GLI1: variants seen among roughly 807,000 people sequenced by gnomAD.
GLI1 encodes GLI family zinc finger 1.
Under a neutral mutation model 87.8 loss-of-function variants are expected in GLI1, and 51 were observed. That is an observed-to-expected ratio of 0.58 (90% CI 0.46 to 0.73). The LOEUF is 0.73. Among genes scored for constraint, GLI1 ranks in the 30% least tolerant of loss-of-function variants. The pLI is 0.00. For missense variants in GLI1, 1,292 were observed against 1,437.2 expected, an observed-to-expected ratio of 0.90 and a Z score of 1.63; for synonymous variants, 528 against 558.2, an observed-to-expected ratio of 0.95 and a Z score of 0.76.
In GLI1 at chr12:57,465,831, G is replaced by A. The variant is rs760883025; in HGVS notation, c.668G>A (p.Arg223Lys). ...CTGGATGGGCGGGAGGACCTCGAGA[G>A]AGAGGAGAAGCGTGAGCCTGAATCT... ...GMLDGREDLE[R>K]EEKREPESVY... is the part of the protein sequence containing the mutation. Residue 223 changes from arginine (R) to lysine (K), a missense_variant, in exon 7 of 12, where the codon AGA (arginine) becomes AAA (lysine). Transcript: ENST00000228682. 1 of 1,614,222 alleles carries A rather than the reference G, an allele frequency of 6.2e-7. No homozygotes were observed. Among genetic ancestry groups the A allele is most frequent in the Non-Finnish European group, 8.5e-7 (1 of 1,180,008 alleles).
chr12:57,462,410 ACCGCGCCGGCCGGC>A (rs1236442611), intron 1 of GLI1, among the ~76,000 whole-genome samples: 1 of 147,986 alleles, frequency 6.8e-6, no homozygotes, highest in Admixed American at 6.7e-5. Flanking sequence ...GGGATCACCC[ACCGCGCCGGCCGGC>A]CCGGCCCGCT....
chr12:57,464,908 AC>A lies in GLI1; in HGVS notation c.389+43del, dbSNP rs779275030. ...GGGCCAAGAGGCCCCTAAAGCCCCT[AC>A]CCAAGTCCATTAAAAGTCTCAAGCC... On this transcript the variant is annotated intron_variant, in intron 4 of 11. Transcript: ENST00000228682. 36 of 1,483,246 alleles carry A rather than the reference AC, an allele frequency of 2.4e-5. No homozygotes were observed. In the African/African-American group the frequency reaches 5.0e-4, roughly 21 times the overall value. The allele number at this position is 1,483,246 out of a possible 1,614,324, so 91.9% of individuals were successfully genotyped here. A position where few individuals can be genotyped will look rare whatever the true frequency, so the allele number is the denominator to read the frequency against.
Position 57,471,307 on chromosome 12 carries a change from C to A in GLI1, c.2567C>A (p.Pro856His). Reference protein sequence around the residue: ...PLFSHYPQPSPPQYLQSGPYT... With the variant: ...PLFSHYPQPSHPQYLQSGPYT... ...TTTTCCCATTACCCCCAGCCCTCTC[C>A]TCCCCAATATCTCCAGTCAGGCCCC... is the stretch of plus-strand genomic sequence containing the variant. Residue 856 changes from proline (P) to histidine (H), a missense_variant, in exon 12 of 12, where the codon CCT becomes CAT. By Grantham distance (77) the Pro-to-His change is moderately conservative. This residue lies in a region of GLI1 where 897 missense variants were observed against 1,040.7 expected (regional missense o/e 0.86). Coordinates refer to ENST00000228682, the MANE Select transcript of GLI1 (RefSeq NM_005269.3). This position sits in a 1 kb window ranked among gnomAD's most constrained non-coding sequence, Gnocchi z 4.9. 1 of 1,576,362 alleles carries A rather than the reference C, an allele frequency of 6.3e-7. No individual in the cohort carries two copies. The highest frequency in any genetic ancestry group is 8.6e-7 in the Non-Finnish European group (1 of 1,162,760).
chr12:57,471,973 C>A lies in GLI1; in HGVS notation c.3233C>A (p.Ser1078Tyr). 6.3e-7 allele frequency: 1 copy of A among 1,594,492 alleles called. No homozygotes were observed. The highest frequency in any genetic ancestry group is 1.1e-5 in the South Asian group (1 of 88,534). The change falls in exon 12 of 12, where the codon TCT (serine) becomes TAT (tyrosine). Residue 1078 changes from serine (S) to tyrosine (Y), a missense_variant. By Grantham distance (144) the Ser-to-Tyr change is moderately radical. Coordinates refer to ENST00000228682, the MANE Select transcript of GLI1 (RefSeq NM_005269.3). This position sits in a 1 kb window ranked among gnomAD's most constrained non-coding sequence, Gnocchi z 4.9. ...RGSSGHTPPP[S>Y]GPPNMAVGNM... is the part of the protein sequence containing the mutation. The stretch of plus-strand genomic sequence containing the variant: ...AGCTCTGGACATACCCCACCTCCCT[C>A]TGGGCCCCCCAACATGGCTGTGGGC...
In GLI1 at chr12:57,470,373, A is replaced by T; in HGVS notation, c.1633A>T (p.Ser545Cys). ...PPVSLERRSS[S>C]SSSISSAYTV... ...AGTCTCTCTTGAACGCCGCAGCAGC[A>T]GCTCCAGCAGCATCAGCTCTGCCTA... Residue 545 changes from serine to cysteine, a missense_variant, in exon 12 of 12, where the codon AGC becomes TGC. Physicochemically the swap from Ser to Cys is moderately radical, Grantham distance 112. Around this residue, in one of 3 missense-constraint regions of GLI1, gnomAD observed 897 missense variants for 1,040.7 expected, o/e 0.86. Coordinates refer to ENST00000228682, the MANE Select transcript of GLI1 (RefSeq NM_005269.3). The T allele has an allele frequency of 6.2e-7, 1 of 1,610,924 alleles. No individual in the cohort carries two copies. Among genetic ancestry groups the T allele is most frequent in the African/African-American group, 1.3e-5 (1 of 74,990 alleles).
Position 57,471,320 on chromosome 12 carries a change from C to A in GLI1, c.2580C>A (p.Leu860=). ...CCCAGCCCTCTCCTCCCCAATATCT[C>A]CAGTCAGGCCCCTATACCCAGCCAC... ...HYPQPSPPQY[L]QSGPYTQPPP... The change falls in exon 12 of 12, where the codon CTC becomes CTA. Residue 860 remains leucine (L), a synonymous_variant. Coordinates refer to ENST00000228682, the MANE Select transcript of GLI1 (RefSeq NM_005269.3). This position sits in a 1 kb window ranked among gnomAD's most constrained non-coding sequence, Gnocchi z 4.9. 6.4e-7 allele frequency: 1 copy of A among 1,574,154 alleles called. No homozygotes were observed. Among genetic ancestry groups the A allele is most frequent in the Non-Finnish European group, 8.6e-7 (1 of 1,161,200 alleles).
rs1220926546 is a variant in GLI1 at position 57,459,789 on chromosome 12, G to A, written c.-440G>A. ...AGCCGGGGCGGGGGGGGGGGCGTAA[G>A]CAGTATAGGGTCCCTCAAGGGAGGG... On this transcript the variant is annotated 5_prime_UTR_variant, in exon 1 of 12. Coordinates refer to ENST00000228682, the MANE Select transcript of GLI1 (RefSeq NM_005269.3). 6.9e-6 allele frequency among the ~76,000 whole-genome samples: 1 copy of A among 144,200 alleles called. No homozygotes were observed. The highest frequency in any genetic ancestry group is 1.5e-5 in the Non-Finnish European group (1 of 65,994). 94.6% of individuals were successfully genotyped at this position (144,200 alleles called of 152,430 possible).
Position 57,471,753 on chromosome 12 carries a change from G to C in GLI1, c.3013G>C (p.Gly1005Arg). The part of the protein sequence containing the change: ...LPTCYGPLKV[G>R]GTNPSCGHPE... The stretch of plus-strand genomic sequence containing the variant: ...CACTTGCTATGGGCCTCTCAAAGTG[G>C]GAGGCACAAACCCCAGCTGTGGTCA... Residue 1005 changes from glycine to arginine, a missense_variant, in exon 12 of 12, where the codon GGA becomes CGA. Gly to Arg is a moderately radical substitution (Grantham distance 125, BLOSUM62 -2). Transcript: ENST00000228682. This position sits in a 1 kb window ranked among gnomAD's most constrained non-coding sequence, Gnocchi z 4.9. The C allele has an allele frequency of 3.2e-6, 5 of 1,569,386 alleles. No homozygotes were observed. The highest frequency in any genetic ancestry group is 4.3e-6 in the Non-Finnish European group (5 of 1,156,882).
chr12:57,470,207 G>C (rs1183820699), intron 11 of GLI1, 110 bp from the exon 12 acceptor site: 11 of 789,458 alleles, frequency 1.4e-5, no homozygotes, highest in Non-Finnish European at 2.1e-6. Context: ...ACTGGTTAGG[G>C]ATAACGAGCT....
Position 57,472,037 on chromosome 12 carries a change from A to G in GLI1, c.3297A>G (p.Thr1099=). 6.6e-7 allele frequency: 1 copy of G among 1,508,814 alleles called. No individual in the cohort carries two copies. The highest frequency in any genetic ancestry group is 2.4e-5 in the East Asian group (1 of 41,882). The allele number at this position is 1,508,814 out of a possible 1,614,324, so 93.5% of individuals were successfully genotyped here. ...SVLLRSLPGE[T]EFLNSSA ...TACTGAGATCCCTACCTGGGGAAAC[A>G]GAATTCCTCAACTCTAGTGCCTAAA... The change falls in exon 12 of 12, where the codon ACA becomes ACG. Residue 1099 remains threonine (T), a synonymous_variant. Transcript: ENST00000228682.
At chr12:57,469,355 C>A in intron 10 of GLI1, 76 bp from the exon 11 acceptor site, 4 of 1,462,464 alleles carry the variant, frequency 2.7e-6, no homozygotes, top group Non-Finnish European at 3.8e-6. Flanking sequence ...GTCACTGGGA[C>A]ACAGGCTTCA....
Position 57,465,182 on chromosome 12 carries a change from G to C in GLI1, c.461G>C (p.Cys154Ser). The C allele has an allele frequency of 1.2e-6, 2 of 1,613,410 alleles. No individual in the cohort carries two copies. Among genetic ancestry groups the C allele is most frequent in the Non-Finnish European group, 1.7e-6 (2 of 1,179,360 alleles). ...TCGCCTTCCTTTGGGGTCCAGCCTT[G>C]TGGTCCCCATGACTCTGCCCGGGGT... ...GPSPSFGVQP[C>S]GPHDSARGGM... Residue 154 changes from cysteine to serine, a missense_variant, in exon 5 of 12, where the codon TGT (cysteine) becomes TCT (serine). Cys to Ser is a moderately radical substitution (Grantham distance 112, BLOSUM62 -1). Around this residue, in one of 3 missense-constraint regions of GLI1, gnomAD observed 383 missense variants for 368.4 expected, o/e 1.04. Coordinates refer to ENST00000228682, the MANE Select transcript of GLI1 (RefSeq NM_005269.3).
chr12:57,466,772 T>C (rs1031884254), intron 8 of GLI1, among the ~76,000 whole-genome samples: 2 of 152,020 alleles, frequency 1.3e-5, no homozygotes, highest in African/African-American at 4.8e-5. Flanking sequence ...GGCGTGGTGA[T>C]GGGCGCCTGT....
At chr12:57,464,465 G>A (rs1045389655) in intron 3 of GLI1, among the ~76,000 whole-genome samples, 4 of 151,628 alleles carry the variant, frequency 2.6e-5, no homozygotes. Context: ...AGAGGTTGCA[G>A]TGAGGCAAGA....
chr12:57,466,455 C>T (rs1871493138), intron 8 of GLI1, 66 bp downstream of exon 8: 1 of 1,261,810 alleles, frequency 7.9e-7, no homozygotes, highest in African/African-American at 1.5e-5. Flanking sequence ...AAGGTAGGGC[C>T]CAAGGCAGAC....
Position 57,465,895 on chromosome 12 carries a change from G to A in GLI1, c.732G>A (p.Gln244=). The A allele has an allele frequency of 6.2e-7, 1 of 1,614,100 alleles. No homozygotes were observed. The highest frequency in any genetic ancestry group is 1.1e-5 in the South Asian group (1 of 91,082). Residue 244 remains glutamine (Q), a synonymous_variant, in exon 7 of 12, where the codon CAG becomes CAA. Coordinates refer to ENST00000228682, the MANE Select transcript of GLI1 (RefSeq NM_005269.3). ...ACTGCCGTTGGGATGGCTGCAGCCA[G>A]GAATTTGACTCCCAAGAGCAGCTGG... ...ETDCRWDGCS[Q]EFDSQEQLVH...
Position 57,467,536 on chromosome 12 carries a change from G to C in GLI1, c.1077+39G>C, listed in dbSNP as rs117229918. On this transcript the variant is annotated intron_variant, in intron 9 of 11. Transcript: ENST00000228682. ...CTAAGCGACCCTCCCCTCTTGAGAA[G>C]CCACCTACCAGGGAGATTCCCCCAT... The C allele has an allele frequency of 1.2e-3, 1,878 of 1,526,098 alleles. 51 individuals are homozygous for C. The East Asian group carries it at 0.034, about 28-fold the overall frequency. The allele number at this position is 1,526,098 out of a possible 1,614,324, so 94.5% of individuals were successfully genotyped here. A position where few individuals can be genotyped will look rare whatever the true frequency, so the allele number is the denominator to read the frequency against.
At chr12:57,466,419 C>T in intron 8 of GLI1, 30 bp downstream of exon 8, 2 of 1,581,764 alleles carry the variant, frequency 1.3e-6, no homozygotes, top group Non-Finnish European at 1.7e-6. Flanking sequence ...AGTCCAGGGT[C>T]TCTTCCTAAA....
At position 57,470,920 on chromosome 12, in the gene GLI1, C is replaced by T. The variant is rs1241006818; in HGVS notation, c.2180C>T (p.Thr727Ile). Residue 727 changes from threonine (T) to isoleucine (I), a missense_variant, in exon 12 of 12, where the codon ACT becomes ATT. Physicochemically the swap from Thr to Ile is moderately conservative, Grantham distance 89. Coordinates refer to ENST00000228682, the MANE Select transcript of GLI1 (RefSeq NM_005269.3). ...AACCCCTATATGGACTTCCCACCTA[C>T]TGATACTCTGGGATATGGGGGACCT... ...GLNPYMDFPP[T>I]DTLGYGGPEG... 6.2e-7 allele frequency: 1 copy of T among 1,614,022 alleles called. No homozygotes were observed. Among genetic ancestry groups the T allele is most frequent in the Non-Finnish European group, 8.5e-7 (1 of 1,179,932 alleles).
Sources: allele counts gnomAD v4.1 joint callset (sites outside exome capture counted in the v4.1 genomes callset), GRCh38; gene constraint gnomAD v4.1.1; regional missense constraint gnomAD v4.1.1; non-coding constraint Gnocchi (gnomAD v3.1); transcripts MANE v1.5; gene names NCBI Gene and HGNC (gene_info 2026-07-23, HGNC 2026-07-21).